LRRIQ3: variants seen among roughly 807,000 people sequenced by gnomAD.
The protein encoded by LRRIQ3 is leucine-rich repeat and IQ domain-containing protein 3.
Under a neutral mutation model 59.3 loss-of-function variants are expected in LRRIQ3, and 75 were observed. The ratio of observed to expected loss-of-function variants is 1.26; its 90% CI spans 1.05 to 1.53. The LOEUF is 1.53. Ranked by LOEUF, LRRIQ3 falls within the 40% of genes most tolerant of loss-of-function variation. The pLI is 0.00. For missense variants in LRRIQ3, 831 were observed against 710.0 expected, an observed-to-expected ratio of 1.17 and a Z score of -1.94; for synonymous variants, 250 against 231.3, an observed-to-expected ratio of 1.08 and a Z score of -0.73.
In LRRIQ3 at chr1:74,027,920, T is replaced by G. The variant is rs374585564; in HGVS notation, c.1719-951A>C. Among the ~76,000 whole-genome samples the G allele has an allele frequency of 3.3e-5, 5 of 151,820 alleles. No individual in the cohort carries two copies. In the East Asian group the frequency reaches 5.8e-4, roughly 18 times the overall value. ...AAGTCAGAGTGAGGAAAAACTTGAG[T>G]AAAAACTTGGTAAATATAAACTAAA... On this transcript the variant is annotated intron_variant, in intron 7 of 7. Coordinates refer to ENST00000354431, the MANE Select transcript of LRRIQ3 (RefSeq NM_001105659.2).
chr1:74,066,110 C>T (rs565627299), intron 6 of LRRIQ3, among the ~76,000 whole-genome samples: 2 of 150,978 alleles, frequency 1.3e-5, no homozygotes, highest in East Asian at 2.0e-4. Context: ...CACTTGAACC[C>T]GGGAGGCAGA....
intron 7 of LRRIQ3, among the ~76,000 whole-genome samples, chr1:74,038,497 C>A (rs1382333167): frequency 6.6e-6 from 1 of 152,204 alleles, no homozygotes. Flanking sequence ...GCTCCCTGTG[C>A]CACTCAACTG....
chr1:74,154,715 G>C (rs552165471), intron 4 of LRRIQ3, among the ~76,000 whole-genome samples: 33 of 152,248 alleles, frequency 2.2e-4, no homozygotes, highest in African/African-American at 7.7e-4. Flanking sequence ...AATAAAGACA[G>C]AATTAATATT....
In LRRIQ3 at chr1:74,057,597, A is replaced by G. The variant is rs552228706; in HGVS notation, c.998-15664T>C. On this transcript the variant is annotated intron_variant, in intron 6 of 7. Transcript: ENST00000354431. ...TCTCACCATATAAAAAATCTACTCA[A>G]AATGCATTAAAGACTTATATGTAAG... is the stretch of plus-strand genomic sequence containing the variant. 9.0e-4 allele frequency among the ~76,000 whole-genome samples: 137 copies of G among 152,318 alleles called. 1 individual carries two copies. Among genetic ancestry groups the G allele is most frequent in the African/African-American group, 3.0e-3 (125 of 41,580 alleles).
chr1:74,186,810 G>T (rs1650412538), intron 1 of LRRIQ3, among the ~76,000 whole-genome samples: 1 of 151,920 alleles, frequency 6.6e-6, no homozygotes, highest in Non-Finnish European at 1.5e-5. Context: ...AAAAAAAATT[G>T]TAAGAATTAA....
At chr1:74,161,781 C>A (rs1648674774) in intron 3 of LRRIQ3, among the ~76,000 whole-genome samples, 1 of 151,788 alleles carries the variant, frequency 6.6e-6, no homozygotes, top group Non-Finnish European at 1.5e-5. Context: ...AGTGTCCCTT[C>A]CAGAGAACAA....
chr1:74,056,270 C>T lies in LRRIQ3; in HGVS notation c.998-14337G>A, dbSNP rs186882353. ...ACAAAACCATAGCTCATATCATACA[C>T]AATGGGAAAAATTTTAAAGCTTTTT... is the stretch of plus-strand genomic sequence containing the variant. On this transcript the variant is annotated intron_variant, in intron 6 of 7. Coordinates refer to ENST00000354431, the MANE Select transcript of LRRIQ3 (RefSeq NM_001105659.2). Among the ~76,000 whole-genome samples the T allele has an allele frequency of 1.1e-3, 169 of 152,020 alleles. 1 individual carries two copies. The highest frequency in any genetic ancestry group is 4.0e-3 in the African/African-American group (167 of 41,480).
intron 4 of LRRIQ3, among the ~76,000 whole-genome samples, chr1:74,134,211 T>G (rs1647079056): frequency 1.3e-5 from 2 of 152,050 alleles, no homozygotes; most frequent in Non-Finnish European, 2.9e-5. Flanking sequence ...AATTACCATT[T>G]TAAGACTAGA....
At chr1:74,183,166 G>C (rs1650109821) in intron 2 of LRRIQ3, 2 of 313,276 alleles carry the variant, frequency 6.4e-6, no homozygotes, top group Non-Finnish European at 5.8e-6. Flanking sequence ...CTTACCTAAG[G>C]AAAATTAAGG....
At chr1:74,120,730 A>C (rs1411811333) in intron 4 of LRRIQ3, among the ~76,000 whole-genome samples, 1 of 152,044 alleles carries the variant, frequency 6.6e-6, no homozygotes. Flanking sequence ...AAATGATAAT[A>C]TTTAATAAAT....
intron 7 of LRRIQ3, among the ~76,000 whole-genome samples, chr1:74,029,581 A>G (rs1653632575): frequency 1.3e-5 from 2 of 152,134 alleles, no homozygotes; most frequent in Admixed American, 6.5e-5. Flanking sequence ...TTTTTGATCT[A>G]CTGCTGGACT....
intron 1 of LRRIQ3, among the ~76,000 whole-genome samples, chr1:74,193,105 T>C (rs1650873907): frequency 1.3e-5 from 2 of 152,146 alleles, no homozygotes; most frequent in African/African-American, 4.8e-5. Flanking sequence ...TTACCACTTG[T>C]TGCAAATTTA....
intron 5 of LRRIQ3, chr1:74,084,053 A>C: frequency 4.8e-6 from 4 of 840,026 alleles, no homozygotes; most frequent in Non-Finnish European, 7.0e-6. Flanking sequence ...TCAACTTTAC[A>C]CTTATCTTGT....
At chr1:74,042,189 C>A (rs1012458417) in intron 6 of LRRIQ3, among the ~76,000 whole-genome samples, 2 of 152,082 alleles carry the variant, frequency 1.3e-5, no homozygotes, top group Admixed American at 6.6e-5. Context: ...ACTTAACTTG[C>A]AGTGACTCAA....
In LRRIQ3 at chr1:74,041,658, T is replaced by C; in HGVS notation, c.1273A>G (p.Lys425Glu). Residue 425 changes from lysine (K) to glutamate (E), a missense_variant, in exon 7 of 8, where the codon AAA becomes GAA. Coordinates refer to ENST00000354431, the MANE Select transcript of LRRIQ3 (RefSeq NM_001105659.2). ...TGCTTCTTTTGTTCTGTGTAATATT[T>C]GTCAATATCACTAAATGTTCGGAGT... ...MKLRTFSDID[K>E]YYTEQKKQEY... 1.2e-6 allele frequency: 2 copies of C among 1,613,822 alleles called. No homozygotes were observed. Among genetic ancestry groups the C allele is most frequent in the South Asian group, 2.2e-5 (2 of 91,058 alleles).
chr1:74,092,820 T>C (rs1160432556), intron 5 of LRRIQ3, among the ~76,000 whole-genome samples: 1 of 152,052 alleles, frequency 6.6e-6, no homozygotes, highest in African/African-American at 2.4e-5. Flanking sequence ...TTGAAGCGGT[T>C]ACAATAGGGG....
At chr1:74,140,494 C>T (rs1383314788) in intron 4 of LRRIQ3, among the ~76,000 whole-genome samples, 1 of 151,798 alleles carries the variant, frequency 6.6e-6, no homozygotes, top group Admixed American at 6.6e-5. Flanking sequence ...GTTCACTTCT[C>T]CCAGTGACTG....
intron 6 of LRRIQ3, among the ~76,000 whole-genome samples, chr1:74,066,916 A>T (rs1654882319): frequency 6.6e-6 from 1 of 152,168 alleles, no homozygotes; most frequent in Non-Finnish European, 1.5e-5. Flanking sequence ...AATAAAGAGA[A>T]TGGTATGCTT....
At chr1:74,077,768 G>A (rs1646226404) in intron 5 of LRRIQ3, among the ~76,000 whole-genome samples, 1 of 151,874 alleles carries the variant, frequency 6.6e-6, no homozygotes, top group Non-Finnish European at 1.5e-5. Flanking sequence ...AAGGAACTGA[G>A]GCTTACACAA....
Sources: allele counts gnomAD v4.1 joint callset (sites outside exome capture counted in the v4.1 genomes callset), GRCh38; gene constraint gnomAD v4.1.1; transcripts MANE v1.5; gene names NCBI Gene and HGNC (gene_info 2026-07-23, HGNC 2026-07-21).